The following FNDC3A variants were observed in gnomAD, a reference collection of about 807,000 sequenced individuals.
FNDC3A encodes fibronectin type III domain containing 3A.
A neutral mutation model predicts 148.9 loss-of-function variants in FNDC3A; 32 were observed. The ratio of observed to expected loss-of-function variants is 0.21; its 90% CI spans 0.16 to 0.29. FNDC3A has a LOEUF of 0.29. Ranked by LOEUF, FNDC3A falls within the 10% of genes least tolerant of loss-of-function variation. FNDC3A has a pLI of 1.00. For missense variants in FNDC3A, 1,191 were observed against 1,452.8 expected (o/e 0.82, Z 2.93); for synonymous variants, 472 against 473.6 (o/e 1.00, Z 0.04).
chr13:49,041,102 TTTGA>T (rs1874890251), intron 2 of FNDC3A, among the ~76,000 whole-genome samples: 1 of 152,220 alleles, frequency 6.6e-6, no homozygotes, highest in Non-Finnish European at 1.5e-5. Flanking sequence ...TGGCCAAAAG[TTTGA>T]TTATTTGCCA....
At chr13:49,131,559 A>G (rs151104391) in intron 5 of FNDC3A, among the ~76,000 whole-genome samples, 185 bp downstream of exon 5, 2 of 152,342 alleles carry the variant, frequency 1.3e-5, no homozygotes, top group East Asian at 3.9e-4. Context: ...GCAGGTAAGT[A>G]AACAGAAAAA....
chr13:49,063,371 G>C (rs1168000768), intron 2 of FNDC3A, among the ~76,000 whole-genome samples: 1 of 151,986 alleles, frequency 6.6e-6, no homozygotes, highest in African/African-American at 2.4e-5. Flanking sequence ...AAATAATCAT[G>C]TAATATAAAG....
intron 2 of FNDC3A, among the ~76,000 whole-genome samples, chr13:49,017,521 A>G (rs1009615379): frequency 2.0e-5 from 3 of 152,112 alleles, no homozygotes; most frequent in African/African-American, 7.2e-5. Flanking sequence ...GGTTTCCTGA[A>G]TACAGCACAC....
At chr13:49,126,114 A>G (rs1205337605) in intron 4 of FNDC3A, among the ~76,000 whole-genome samples, 1 of 152,118 alleles carries the variant, frequency 6.6e-6, no homozygotes, top group African/African-American at 2.4e-5. Flanking sequence ...CTTAGCACCT[A>G]AGCCTCTGGA....
chr13:49,115,338 C>T (rs545756669), intron 4 of FNDC3A, among the ~76,000 whole-genome samples: 2 of 152,246 alleles, frequency 1.3e-5, no homozygotes, highest in East Asian at 3.9e-4. Context: ...CAATATCTTC[C>T]ACTACTGAGA....
intron 3 of FNDC3A, among the ~76,000 whole-genome samples, chr13:49,103,536 TAGC>T (rs1879987218): frequency 6.6e-6 from 1 of 152,170 alleles, no homozygotes; most frequent in Non-Finnish European, 1.5e-5. Flanking sequence ...TAGATCAGGT[TAGC>T]ATTAGTGTGA....
At chr13:49,186,361 A>G (rs1429740625) in intron 15 of FNDC3A, among the ~76,000 whole-genome samples, 2 of 152,224 alleles carry the variant, frequency 1.3e-5, no homozygotes, top group East Asian at 3.9e-4. Context: ...ATGAAGGATT[A>G]CTGAACTTGC....
intron 8 of FNDC3A, among the ~76,000 whole-genome samples, chr13:49,155,284 A>T (rs1883586800): frequency 6.6e-6 from 1 of 151,832 alleles, no homozygotes; most frequent in Non-Finnish European, 1.5e-5. Context: ...CATTTCTTCT[A>T]GATTTTCTAG....
intron 2 of FNDC3A, among the ~76,000 whole-genome samples, chr13:49,055,140 G>A (rs896791790): frequency 4.7e-5 from 7 of 150,266 alleles, no homozygotes; most frequent in Non-Finnish European, 1.0e-4. Flanking sequence ...GTCTCACTCT[G>A]TTGCCCAGGC....
intron 5 of FNDC3A, 79 bp from the exon 6 acceptor site, chr13:49,136,253 A>C: frequency 8.1e-7 from 1 of 1,229,432 alleles, no homozygotes; most frequent in Non-Finnish European, 1.1e-6. Context: ...TGATAGATTT[A>C]TTTTCTGTTC....
At position 49,049,269 on chromosome 13, in the gene FNDC3A, C is replaced by A. The variant is rs185243792; in HGVS notation, c.100-26020C>A. Reference sequence around the variant, plus strand: ...ATCAGGGATATTGGTCTGTAGTTTTCTTTTTTTGTTTCGTCCTTCCCTGGT... The same window carrying A: ...ATCAGGGATATTGGTCTGTAGTTTTATTTTTTTGTTTCGTCCTTCCCTGGT... On this transcript the variant is annotated intron_variant, in intron 2 of 25. Transcript: ENST00000492622. 2.3e-3 allele frequency among the ~76,000 whole-genome samples: 357 copies of A among 152,072 alleles called. 1 individual carries two copies. The highest frequency in any genetic ancestry group is 3.9e-3 in the Non-Finnish European group (262 of 67,966).
intron 12 of FNDC3A, 24 bp downstream of exon 12, chr13:49,174,583 T>C: frequency 1.9e-6 from 3 of 1,574,350 alleles, no homozygotes; most frequent in Non-Finnish European, 2.6e-6. Context: ...TATAAAAGAA[T>C]GTAAATATTT....
At chr13:49,008,770 T>C (rs957597398) in intron 2 of FNDC3A, among the ~76,000 whole-genome samples, 1 of 152,134 alleles carries the variant, frequency 6.6e-6, no homozygotes, top group Non-Finnish European at 1.5e-5. Context: ...CATTTATTAT[T>C]CATTTTGACA....
chr13:48,991,291 G>A (rs1951911161), intron 1 of FNDC3A, among the ~76,000 whole-genome samples: 1 of 152,032 alleles, frequency 6.6e-6, no homozygotes, highest in Non-Finnish European at 1.5e-5. Context: ...TAAACCAGAA[G>A]TTAGGTTACA....
rs138040883 is a variant in FNDC3A at position 49,124,535 on chromosome 13, A to G, written c.253-6602A>G. Among the ~76,000 whole-genome samples the G allele has an allele frequency of 1.5e-3, 233 of 152,194 alleles. 2 individuals carry two copies. Among genetic ancestry groups the G allele is most frequent in the Admixed American group, 4.4e-3 (68 of 15,286 alleles). ...AGCTTCAGAAGAAGCAAACTATTTG[A>G]AAAGATGATACATAGTCCACATACC... is the stretch of plus-strand genomic sequence containing the variant. On this transcript the variant is annotated intron_variant, in intron 4 of 25. Coordinates refer to ENST00000492622, the MANE Select transcript of FNDC3A (RefSeq NM_001079673.2).
At chr13:49,038,635 T>G (rs1230940696) in intron 2 of FNDC3A, among the ~76,000 whole-genome samples, 1 of 152,228 alleles carries the variant, frequency 6.6e-6, no homozygotes, top group Non-Finnish European at 1.5e-5. Flanking sequence ...AGATAATTTA[T>G]TTGTAAATAT....
chr13:49,028,787 AT>A (rs1873910648), intron 2 of FNDC3A, among the ~76,000 whole-genome samples: 1 of 152,234 alleles, frequency 6.6e-6, no homozygotes, highest in African/African-American at 2.4e-5. Context: ...TTGAACAATA[AT>A]AGTTGGAGCC....
At chr13:49,046,773 T>G (rs1281695783) in intron 2 of FNDC3A, 1 of 152,158 alleles carries the variant, frequency 6.6e-6, no homozygotes, top group Non-Finnish European at 1.5e-5. Flanking sequence ...CATCACATAA[T>G]GAGTCTACCC....
chr13:49,132,120 C>G (rs1356582669), intron 5 of FNDC3A, among the ~76,000 whole-genome samples: 1 of 152,138 alleles, frequency 6.6e-6, no homozygotes, highest in Non-Finnish European at 1.5e-5. Context: ...ACCCTTACAT[C>G]AATTAGTATC....
Sources: gnomAD v4.1 joint callset for allele counts (sites outside exome capture counted in the v4.1 genomes callset) on GRCh38, gnomAD v4.1.1 for gene constraint, MANE v1.5 for transcripts, NCBI Gene and HGNC (gene_info 2026-07-23, HGNC 2026-07-21) for gene names.